Variants in MEGF11 observed in about 807,000 individuals in gnomAD.
MEGF11 encodes multiple EGF like domains 11.
MEGF11 carries 126 observed loss-of-function variants against 146.6 expected under a neutral mutation model. The ratio of observed to expected loss-of-function variants is 0.86; its 90% confidence interval spans 0.74 to 1.00. The LOEUF (loss-of-function observed/expected upper bound fraction) is 1.00, where lower values mean the gene tolerates loss of function less well. Among genes scored for constraint, MEGF11 ranks in the 50% least tolerant of loss-of-function variants. The pLI is 0.00. For synonymous variants in MEGF11, 532 were observed against 583.4 expected (o/e 0.91, Z 1.27); for missense variants, 1,509 against 1,521.2 (o/e 0.99, Z 0.13).
In MEGF11 at chr15:65,929,799, C is replaced by A; in HGVS notation, c.1493G>T (p.Gly498Val). The change falls in exon 12 of 26, where the codon GGG becomes GTG. Residue 498 changes from glycine (G) to valine (V), a missense_variant. Transcript: ENST00000395614. The stretch of plus-strand genomic sequence containing the variant: ...GCCGTCTATGGGGCTGCAGGCTGCC[C>A]CATTGGCACAGGTGCAGCTCTCGTT... ...NCNESCTCANGAACSPIDGSC... is the reference protein window; with the variant it reads ...NCNESCTCANVAACSPIDGSC... 1 of 1,570,636 alleles carries A rather than the reference C, an allele frequency of 6.4e-7. No homozygotes were observed. Among genetic ancestry groups the A allele is most frequent in the East Asian group, 2.4e-5 (1 of 42,150 alleles).
chr15:65,989,139 C>T (rs184191050), intron 5 of MEGF11, among the ~76,000 whole-genome samples: 55 of 152,196 alleles, frequency 3.6e-4, no homozygotes, highest in African/African-American at 1.3e-3. Context: ...TCTTTTTTCC[C>T]ATGATCTCTG....
intron 1 of MEGF11, among the ~76,000 whole-genome samples, chr15:66,189,088 AGAAG>A (rs2090800139): frequency 6.6e-6 from 1 of 152,244 alleles, no homozygotes; most frequent in Admixed American, 6.5e-5. Context: ...GGATGGGGAG[AGAAG>A]GAAAGTAAAT....
intron 7 of MEGF11, among the ~76,000 whole-genome samples, chr15:65,971,530 G>T (rs1488982766): frequency 6.6e-6 from 1 of 152,184 alleles, no homozygotes; most frequent in Non-Finnish European, 1.5e-5. Flanking sequence ...ACAGATGAAG[G>T]TGGGGGTGGA....
At chr15:66,197,764 T>C (rs1259813194) in intron 1 of MEGF11, among the ~76,000 whole-genome samples, 1 of 152,200 alleles carries the variant, frequency 6.6e-6, no homozygotes, top group African/African-American at 2.4e-5. Context: ...GCCTCCAAAA[T>C]GTCTTTGTCC....
At chr15:66,136,251 C>T (rs2088880718) in intron 1 of MEGF11, among the ~76,000 whole-genome samples, 1 of 152,230 alleles carries the variant, frequency 6.6e-6, no homozygotes, top group Admixed American at 6.5e-5. Flanking sequence ...ACGCGGAGAT[C>T]AGTATTGCTG....
rs553490708 is a variant in MEGF11 at position 66,027,121 on chromosome 15, T to TC, written c.395-44634dup. ...CTAGCTGTGGAGACCCTTCTGGGCC[T>TC]CCCAGCAAGCTCCAGGGCCCTGGCC... On this transcript the variant is annotated intron_variant, in intron 5 of 25. Coordinates refer to ENST00000395614, the MANE Select transcript of MEGF11 (RefSeq NM_001385028.1). Among the ~76,000 whole-genome samples the TC allele has an allele frequency of 8.0e-3, 1,218 of 152,174 alleles. 5 individuals are homozygous for TC. The highest frequency in any genetic ancestry group is 0.012 in the Admixed American group (182 of 15,292).
At chr15:66,135,451 T>C (rs55900744) in intron 1 of MEGF11, among the ~76,000 whole-genome samples, 55,229 of 152,048 alleles carry the variant, frequency 0.36, 12,122 homozygotes, top group South Asian at 0.56. Context: ...CCCAAGCCCC[T>C]GAACACTTGC....
At chr15:66,173,814 A>G (rs1335210821) in intron 1 of MEGF11, among the ~76,000 whole-genome samples, 4 of 152,166 alleles carry the variant, frequency 2.6e-5, no homozygotes, top group African/African-American at 9.7e-5. Context: ...ACTGCAGGGA[A>G]AAGGCCCTGA....
chr15:66,102,858 G>T (rs1017573799), intron 4 of MEGF11, among the ~76,000 whole-genome samples: 3 of 152,190 alleles, frequency 2.0e-5, no homozygotes, highest in Non-Finnish European at 4.4e-5. Flanking sequence ...CCTTGGCCTA[G>T]CGGTACAGCT....
At chr15:65,991,060 G>A (rs1349705109) in intron 5 of MEGF11, among the ~76,000 whole-genome samples, 1 of 152,186 alleles carries the variant, frequency 6.6e-6, no homozygotes, top group African/African-American at 2.4e-5. Flanking sequence ...TTATAATGAT[G>A]TATCATTAGC....
intron 5 of MEGF11, among the ~76,000 whole-genome samples, chr15:66,068,554 C>T (rs2085235937): frequency 6.6e-6 from 1 of 152,156 alleles, no homozygotes; most frequent in Admixed American, 6.5e-5. Flanking sequence ...AAGTGACTTG[C>T]CTGAAATCAC....
chr15:66,015,392 C>T (rs1227453819), intron 5 of MEGF11, among the ~76,000 whole-genome samples: 1 of 152,212 alleles, frequency 6.6e-6, no homozygotes, highest in Non-Finnish European at 1.5e-5. Flanking sequence ...CCAGATACAC[C>T]ATCTAACCTC....
intron 4 of MEGF11, among the ~76,000 whole-genome samples, chr15:66,098,850 G>C (rs1401417550): frequency 6.6e-6 from 1 of 152,180 alleles, no homozygotes; most frequent in Non-Finnish European, 1.5e-5. Flanking sequence ...TGTGTCTGTA[G>C]TGGGGCTCAG....
Position 66,058,498 on chromosome 15 carries a change from G to A in MEGF11, c.394+35904C>T, listed in dbSNP as rs914431268. On this transcript the variant is annotated intron_variant, in intron 5 of 25. Transcript: ENST00000395614. ...ATAACATCTCTCCAAGGGGTTGAGA[G>A]ACAGCTTTGGGCTGGGCCCCGGAGC... Among the ~76,000 whole-genome samples, 4 of 152,348 alleles carry A rather than the reference G, an allele frequency of 2.6e-5. No homozygotes were observed. In the East Asian group the frequency reaches 7.7e-4, roughly 29 times the overall value.
At chr15:66,219,176 A>T (rs758615501) in intron 1 of MEGF11, among the ~76,000 whole-genome samples, 23 of 152,128 alleles carry the variant, frequency 1.5e-4, no homozygotes, top group Non-Finnish European at 3.4e-4. Flanking sequence ...TAGACATGAC[A>T]CCAAAAGTGC....
intron 4 of MEGF11, among the ~76,000 whole-genome samples, chr15:66,117,742 C>T (rs372121847): frequency 6.6e-6 from 1 of 152,250 alleles, no homozygotes; most frequent in Non-Finnish European, 1.5e-5. Context: ...CTCACATCTA[C>T]ACCTGGGTCT....
At chr15:66,008,248 G>C (rs1188650745) in intron 5 of MEGF11, among the ~76,000 whole-genome samples, 2 of 152,174 alleles carry the variant, frequency 1.3e-5, no homozygotes, top group Non-Finnish European at 2.9e-5. Flanking sequence ...AGTTGAAGCA[G>C]AGATAGGAGT....
At chr15:66,073,213 G>C (rs1449154168) in intron 5 of MEGF11, among the ~76,000 whole-genome samples, 1 of 152,198 alleles carries the variant, frequency 6.6e-6, no homozygotes, top group Non-Finnish European at 1.5e-5. Context: ...GGCCTCTGGT[G>C]TGAGGAATTT....
intron 10 of MEGF11, among the ~76,000 whole-genome samples, chr15:65,955,936 A>G (rs2080617393): frequency 6.9e-6 from 1 of 145,294 alleles, no homozygotes; most frequent in Admixed American, 7.2e-5. Flanking sequence ...TCAATTCAGA[A>G]CTAGCCACAT....
Sources: gnomAD v4.1 joint callset for allele counts (sites outside exome capture counted in the v4.1 genomes callset) on GRCh38, gnomAD v4.1.1 for gene constraint, MANE v1.5 for transcripts, NCBI Gene and HGNC (gene_info 2026-07-23, HGNC 2026-07-21) for gene names.